The following SHLD2 variants were observed in gnomAD, a reference collection of about 807,000 sequenced individuals.
SHLD2 encodes the protein shieldin complex subunit 2, also known as RINN1-REV7-interacting novel NHEJ regulator 2.
In SHLD2, 30 loss-of-function variants were observed where a neutral mutation model predicts 73.2. The ratio of observed to expected loss-of-function variants is 0.41; its 90% CI spans 0.31 to 0.56. The LOEUF (loss-of-function observed/expected upper bound fraction) is 0.56, where lower values mean the gene tolerates loss of function less well. SHLD2 is among the 20% of genes least tolerant of loss of function. The pLI is 0.28. For synonymous variants in SHLD2, 285 were observed against 370.1 expected (o/e 0.77, Z 2.64); for missense variants, 745 against 1,055.9 (o/e 0.71, Z 4.08).
At chr10:87,094,502 T>A, upstream of SHLD2, 1 of 1,613,436 alleles carries the variant, frequency 6.2e-7, no homozygotes, top group Non-Finnish European at 8.5e-7. This position sits in a 1 kb window ranked among gnomAD's most constrained non-coding sequence, Gnocchi z 6.6. Flanking sequence ...TCCCGGGTCC[T>A]CAGGTCCTCC....
intron 1 of SHLD2, among the ~76,000 whole-genome samples, 167 bp from the exon 2 acceptor site, chr10:87,096,767 C>A (rs186032488): frequency 2.5e-4 from 38 of 152,212 alleles, no homozygotes; most frequent in African/African-American, 9.2e-4. Flanking sequence ...TCTTAGTTCT[C>A]GAAATATTGT....
intron 2 of SHLD2, among the ~76,000 whole-genome samples, chr10:87,140,767 C>G (rs1167912593): frequency 6.6e-6 from 1 of 152,088 alleles, no homozygotes; most frequent in Non-Finnish European, 1.5e-5. Flanking sequence ...TTGAGACCAG[C>G]CTGGGCAACA....
Position 87,175,991 on chromosome 10 carries a change from A to G in SHLD2, c.2066A>G (p.Asp689Gly). The change falls in exon 7 of 10, where the codon GAT (aspartate) becomes GGT (glycine). Residue 689 changes from aspartate (D) to glycine (G), a missense_variant. Physicochemically the swap from Asp to Gly is moderately conservative, Grantham distance 94 (BLOSUM62 -1). Transcript: ENST00000298786. ...TPWSSCECLF[D>G]DDIRAITFKA... The stretch of plus-strand genomic sequence containing the variant: ...TGGTCATCCTGTGAGTGCTTGTTTG[A>G]TGATGATATAAGGGCAATTACATTT... 1.3e-6 allele frequency: 2 copies of G among 1,550,038 alleles called. No homozygotes were observed. Among genetic ancestry groups the G allele is most frequent in the Non-Finnish European group, 8.7e-7 (1 of 1,146,890 alleles).
rs574158485 is a variant in SHLD2, at chr10:87,106,758, T to C, written c.-6+9769T>C. 4.8e-4 allele frequency among the ~76,000 whole-genome samples: 73 copies of C among 152,300 alleles called. 4 individuals carry two copies. In the South Asian group the frequency reaches 0.015, roughly 31 times the overall value. On this transcript the variant is annotated intron_variant, in intron 2 of 9. Coordinates refer to ENST00000298786, the MANE Select transcript of SHLD2 (RefSeq NM_001330112.2). ...TGAAGTTGCCATTAGCACCTTGTTA[T>C]CATCAATGTAACACATAGGCAAGTG...
chr10:87,164,057 G>A (rs3129471), intron 4 of SHLD2, among the ~76,000 whole-genome samples: 1 of 150,372 alleles, frequency 6.7e-6, no homozygotes, highest in Non-Finnish European at 1.5e-5. Context: ...TCCTGGGTTC[G>A]AGCAATTCTC....
At chr10:87,166,197 A>G (rs2134498478) in intron 4 of SHLD2, among the ~76,000 whole-genome samples, 1 of 152,206 alleles carries the variant, frequency 6.6e-6, no homozygotes, top group Non-Finnish European at 1.5e-5. Context: ...ATAGATATGT[A>G]AAGATTGGAA....
rs1464876739 is a variant in SHLD2 at position 87,155,869 on chromosome 10, A to AT, written c.1526-2172dup. ...TATGAACATTTTTTTTAAAAATCAG[A>AT]TTTTTTTGTCTTTTTAAGAAAAAGA... On this transcript the variant is annotated intron_variant, in intron 3 of 9. Coordinates refer to ENST00000298786, the MANE Select transcript of SHLD2 (RefSeq NM_001330112.2). 1.1e-4 allele frequency among the ~76,000 whole-genome samples: 16 copies of AT among 152,038 alleles called. No individual in the cohort carries two copies. The East Asian group carries it at 2.9e-3, about 28-fold the overall frequency.
intron 3 of SHLD2, among the ~76,000 whole-genome samples, chr10:87,153,864 A>G (rs1306581577): frequency 6.6e-6 from 1 of 152,158 alleles, no homozygotes; most frequent in Non-Finnish European, 1.5e-5. Flanking sequence ...TACTCTTACT[A>G]TATAGTTGTA....
At chr10:87,161,981 A>G (rs372268084) in intron 4 of SHLD2, among the ~76,000 whole-genome samples, 23,906 of 151,154 alleles carry the variant, frequency 0.16, 1,860 homozygotes, top group African/African-American at 0.19. Flanking sequence ...GCAATTTAAT[A>G]TATGACAAAG....
At chr10:87,173,327 C>T (rs1380042283) in intron 6 of SHLD2, among the ~76,000 whole-genome samples, 2 of 152,094 alleles carry the variant, frequency 1.3e-5, no homozygotes, top group Non-Finnish European at 2.9e-5. Flanking sequence ...CCACCGCACC[C>T]GGCCAGCATA....
At chr10:87,167,050 G>A (rs1303501731) in intron 4 of SHLD2, among the ~76,000 whole-genome samples, 1 of 152,020 alleles carries the variant, frequency 6.6e-6, no homozygotes, top group Non-Finnish European at 1.5e-5. Flanking sequence ...AGAATAGAAG[G>A]GGAAGGAATG....
At chr10:87,142,450 A>G (rs1845263292) in intron 2 of SHLD2, among the ~76,000 whole-genome samples, 1 of 152,190 alleles carries the variant, frequency 6.6e-6, no homozygotes, top group Non-Finnish European at 1.5e-5. Context: ...CACTACCTGC[A>G]GTCTTCCTGA....
At chr10:87,113,429 C>G (rs1250430379) in intron 2 of SHLD2, among the ~76,000 whole-genome samples, 2 of 152,104 alleles carry the variant, frequency 1.3e-5, no homozygotes, top group Non-Finnish European at 2.9e-5. Context: ...ATGGATAAAC[C>G]TTAAAAACAT....
At position 87,172,128 on chromosome 10, in the gene SHLD2, T is replaced by C. The variant is rs376474554; in HGVS notation, c.1963+1154T>C. Among the ~76,000 whole-genome samples, 5 of 152,328 alleles carry C rather than the reference T, an allele frequency of 3.3e-5. No individual in the cohort carries two copies. In the East Asian group the frequency reaches 9.6e-4, roughly 29 times the overall value. On this transcript the variant is annotated intron_variant, in intron 6 of 9. Coordinates refer to ENST00000298786, the MANE Select transcript of SHLD2 (RefSeq NM_001330112.2). ...AAACATATGAATCCAGGAATTAAGA[T>C]GTTGTTGTTCTTTGTACATTCATTC...
At position 87,151,742 on chromosome 10, in the gene SHLD2, CCGCATT is replaced by C. The variant is rs779165002; in HGVS notation, c.389_394del (p.Pro130_Phe132delinsLeu). ...AATATGTGGATTTAAAAGCACAGTTCCGCATTTCACCGAAGAAGAAAAGTATCAAAA... is the reference window on the plus strand; with the variant it reads ...AATATGTGGATTTAAAAGCACAGTTCTCACCGAAGAAGAAAAGTATCAAAA... On this transcript the variant is annotated inframe_deletion, in exon 3 of 10. Transcript: ENST00000298786. 6.2e-7 allele frequency: 1 copy of C among 1,611,856 alleles called. No individual in the cohort carries two copies. The highest frequency in any genetic ancestry group is 2.2e-5 in the East Asian group (1 of 44,866).
In SHLD2 at chr10:87,151,376, C is replaced by A. The variant is rs374041433; in HGVS notation, c.22C>A (p.His8Asn). ...AATCATGAGTGGAGGATCTCAAGTCCACATTTTTTGGGGTGCTCCAATTGC... is the reference window on the plus strand; with the variant it reads ...AATCATGAGTGGAGGATCTCAAGTCAACATTTTTTGGGGTGCTCCAATTGC... MSGGSQV[H>N]IFWGAPIAPL... Residue 8 changes from histidine (H) to asparagine (N), a missense_variant, in exon 3 of 10, where the codon CAC becomes AAC. This residue lies in a region of SHLD2 where 280 missense variants were observed against 353.9 expected (regional missense o/e 0.79). Coordinates refer to ENST00000298786, the MANE Select transcript of SHLD2 (RefSeq NM_001330112.2). The A allele has an allele frequency of 6.4e-6, 10 of 1,558,158 alleles. No homozygotes were observed. In the African/African-American group the frequency reaches 1.2e-4, roughly 19 times the overall value.
chr10:87,135,453 T>A (rs1385303801), intron 2 of SHLD2, among the ~76,000 whole-genome samples: 1 of 151,976 alleles, frequency 6.6e-6, no homozygotes, highest in African/African-American at 2.4e-5. Flanking sequence ...TACAGTGAGG[T>A]TTTATATTTT....
intron 2 of SHLD2, among the ~76,000 whole-genome samples, chr10:87,112,714 C>CA (rs150119136): frequency 0.094 from 12,520 of 133,798 alleles, 1,189 homozygotes; most frequent in African/African-American, 0.26. Flanking sequence ...ACTTAAATCT[C>CA]AAAAAAAAAA....
chr10:87,166,127 A>G (rs540390510), intron 4 of SHLD2, among the ~76,000 whole-genome samples: 1 of 152,194 alleles, frequency 6.6e-6, no homozygotes, highest in African/African-American at 2.4e-5. Context: ...GGATACTACT[A>G]TTACTACTTT....
Sources: gnomAD v4.1 joint callset for allele counts (sites outside exome capture counted in the v4.1 genomes callset) on GRCh38, gnomAD v4.1.1 for gene constraint, gnomAD v4.1.1 regional missense constraint, Gnocchi (gnomAD v3.1) non-coding constraint, MANE v1.5 for transcripts, NCBI Gene and HGNC (gene_info 2026-07-23, HGNC 2026-07-21) for gene names.